The following ASTN2 variants were observed in gnomAD, a reference collection of about 807,000 sequenced individuals.
The protein encoded by ASTN2 is astrotactin-2.
Under a neutral mutation model 139.8 loss-of-function variants are expected in ASTN2, and 54 were observed. That is an observed-to-expected ratio of 0.39 (90% CI 0.31 to 0.48). The LOEUF is 0.48. Ranked by LOEUF, ASTN2 falls within the 20% of genes least tolerant of loss-of-function variation. The pLI, the probability that ASTN2 is intolerant of heterozygous loss-of-function variation, is 0.95. For synonymous variants in ASTN2, 756 were observed against 719.5 expected, an observed-to-expected ratio of 1.05 and a Z score of -0.81; for missense variants, 1,565 against 1,725.1, an observed-to-expected ratio of 0.91 and a Z score of 1.64.
In ASTN2 at chr9:116,620,080, T is replaced by C. The variant is rs139516519; in HGVS notation, c.3206+230A>G. On this transcript the variant is annotated intron_variant, in intron 18 of 22. Transcript: ENST00000313400. ...CTGAAGGAAGAAATGATGAACTGAGTGGCATCATTTAAAACAAGCATGCAC... is the reference window on the plus strand; with the variant it reads ...CTGAAGGAAGAAATGATGAACTGAGCGGCATCATTTAAAACAAGCATGCAC... Among the ~76,000 whole-genome samples the C allele has an allele frequency of 3.2e-4, 48 of 152,206 alleles. No individual in the cohort carries two copies. The East Asian group carries it at 8.5e-3, about 27-fold the overall frequency.
intron 19 of ASTN2, among the ~76,000 whole-genome samples, chr9:116,503,587 A>G (rs1849980880): frequency 6.6e-6 from 1 of 152,210 alleles, no homozygotes; most frequent in Admixed American, 6.5e-5. Flanking sequence ...ATGAGTAAAC[A>G]TGTTTTACAA....
chr9:116,541,661 A>C (rs1453676173), intron 19 of ASTN2, among the ~76,000 whole-genome samples: 1 of 152,204 alleles, frequency 6.6e-6, no homozygotes, highest in Non-Finnish European at 1.5e-5. Context: ...AGATGGAAGC[A>C]GAGACAGAAC....
intron 22 of ASTN2, among the ~76,000 whole-genome samples, chr9:116,429,562 TGGC>T (rs1847430402): frequency 6.6e-6 from 1 of 152,140 alleles, no homozygotes; most frequent in Admixed American, 6.6e-5. Context: ...GAAAATTACT[TGGC>T]ACAAAGCAAG....
chr9:116,441,098 T>C (rs1847826564), intron 21 of ASTN2, among the ~76,000 whole-genome samples: 1 of 152,186 alleles, frequency 6.6e-6, no homozygotes, highest in Non-Finnish European at 1.5e-5. Context: ...TAATTATCAA[T>C]ATAATTATTG....
intron 17 of ASTN2, among the ~76,000 whole-genome samples, chr9:116,632,944 C>T (rs1324346737): frequency 1.3e-5 from 2 of 152,136 alleles, no homozygotes; most frequent in African/African-American, 4.8e-5. Context: ...AGTAGGTACT[C>T]CATAAAAGTT....
chr9:116,578,618 ACGTGTGTG>A (rs1853820868), intron 19 of ASTN2, among the ~76,000 whole-genome samples: 1 of 98,548 alleles, frequency 1.0e-5, no homozygotes, highest in Non-Finnish European at 2.1e-5. Flanking sequence ...TCTGGCTCCA[ACGTGTGTG>A]TGTGTGTGTG....
At chr9:116,697,928 C>G (rs1423980220) in intron 16 of ASTN2, 2 of 1,614,098 alleles carry the variant, frequency 1.2e-6, no homozygotes, top group Non-Finnish European at 1.7e-6. Flanking sequence ...TCCGCTGTCC[C>G]TTTTGCAGCA....
At chr9:116,824,228 T>C (rs947559044) in intron 11 of ASTN2, among the ~76,000 whole-genome samples, 2 of 152,190 alleles carry the variant, frequency 1.3e-5, no homozygotes, top group Admixed American at 1.3e-4. Context: ...TCAAAGATGG[T>C]CCCCAGTGAT....
At chr9:116,450,766 G>A (rs1848149821) in intron 20 of ASTN2, among the ~76,000 whole-genome samples, 1 of 152,174 alleles carries the variant, frequency 6.6e-6, no homozygotes, top group Admixed American at 6.5e-5. Context: ...ACTCTCACAT[G>A]CAGCCACCCA....
chr9:117,298,593 T>C (rs1834791358), intron 1 of ASTN2, among the ~76,000 whole-genome samples: 1 of 151,358 alleles, frequency 6.6e-6, no homozygotes, highest in South Asian at 2.1e-4. Context: ...CACAGTTACA[T>C]TTGTTATATA....
chr9:116,531,331 T>G (rs1048407239), intron 19 of ASTN2, among the ~76,000 whole-genome samples: 3 of 152,232 alleles, frequency 2.0e-5, no homozygotes, highest in Non-Finnish European at 4.4e-5. Flanking sequence ...AAAGTTCTTT[T>G]GACATATGAT....
At chr9:117,312,651 G>C (rs1179671527) in intron 1 of ASTN2, among the ~76,000 whole-genome samples, 3 of 152,136 alleles carry the variant, frequency 2.0e-5, no homozygotes, top group Admixed American at 2.0e-4. Flanking sequence ...TGAGGTTTGG[G>C]ATTCTCTGGT....
intron 3 of ASTN2, among the ~76,000 whole-genome samples, chr9:117,209,088 T>C (rs571328642): frequency 9.5e-4 from 145 of 152,124 alleles, no homozygotes; most frequent in African/African-American, 3.3e-3. Context: ...GAATCAAACC[T>C]TATCACTACA....
chr9:117,347,763 T>C (rs1416941318), intron 1 of ASTN2, among the ~76,000 whole-genome samples: 2 of 152,186 alleles, frequency 1.3e-5, no homozygotes, highest in African/African-American at 4.8e-5. Flanking sequence ...AGGTGTGAAT[T>C]GCTAAAGAGG....
chr9:116,607,028 T>G (rs1236394831), intron 19 of ASTN2, among the ~76,000 whole-genome samples: 3 of 152,146 alleles, frequency 2.0e-5, no homozygotes, highest in African/African-American at 7.2e-5. Flanking sequence ...ATGATAAAGG[T>G]GACACAGAAG....
intron 5 of ASTN2, among the ~76,000 whole-genome samples, chr9:117,095,124 G>T (rs1039129663): frequency 3.9e-5 from 6 of 152,166 alleles, no homozygotes; most frequent in African/African-American, 1.4e-4. Context: ...CTTGTCACAG[G>T]ACCTTCTTTT....
intron 1 of ASTN2, among the ~76,000 whole-genome samples, chr9:117,354,430 G>C (rs1829479458): frequency 6.6e-6 from 1 of 152,034 alleles, no homozygotes; most frequent in Non-Finnish European, 1.5e-5. Flanking sequence ...ATTGAATGCT[G>C]CTCACCTTTC....
chr9:116,831,010 G>T (rs1273387660), intron 11 of ASTN2, among the ~76,000 whole-genome samples: 1 of 151,942 alleles, frequency 6.6e-6, no homozygotes, highest in Non-Finnish European at 1.5e-5. Context: ...TACTACTAGG[G>T]CATAAAAAAG....
At chr9:117,349,073 C>T (rs534430069) in intron 1 of ASTN2, among the ~76,000 whole-genome samples, 2 of 152,236 alleles carry the variant, frequency 1.3e-5, no homozygotes, top group South Asian at 2.1e-4. Context: ...TGAAGCATGC[C>T]GGGAGGCCCA....
Sources: gnomAD v4.1 joint callset for allele counts (sites outside exome capture counted in the v4.1 genomes callset) on GRCh38, gnomAD v4.1.1 for gene constraint, MANE v1.5 for transcripts, NCBI Gene and HGNC (gene_info 2026-07-23, HGNC 2026-07-21) for gene names.